PACRG: variants seen among roughly 807,000 people sequenced by gnomAD.
PACRG encodes the protein parkin coregulated gene protein.
In PACRG, 29 loss-of-function variants were observed where a neutral mutation model predicts 29.7. That is an observed-to-expected ratio of 0.98 (90% confidence interval 0.73 to 1.33). PACRG has a LOEUF of 1.33. Among genes scored for constraint, PACRG ranks in the 40% most tolerant of loss-of-function variants. The probability of loss-of-function intolerance (pLI) is 0.00; values close to 1 mark genes in which losing one functional copy is unlikely to be tolerated. For synonymous variants in PACRG, 116 were observed against 118.7 expected, an observed-to-expected ratio of 0.98 and a Z score of 0.15; for missense variants, 279 against 316.2, an observed-to-expected ratio of 0.88 and a Z score of 0.89.
intron 4 of PACRG, among the ~76,000 whole-genome samples, chr6:163,181,845 G>A (rs1779690001): frequency 1.3e-5 from 2 of 152,222 alleles, no homozygotes; most frequent in African/African-American, 2.4e-5. Flanking sequence ...AGGCTTCCAA[G>A]GCCCGGGAGG....
chr6:163,243,366 G>A (rs1782574123), intron 4 of PACRG, among the ~76,000 whole-genome samples: 1 of 152,320 alleles, frequency 6.6e-6, no homozygotes, highest in South Asian at 2.1e-4. Context: ...TCCAGCGTGT[G>A]AATGTTCACG....
rs141925162 is a variant in PACRG, at chr6:163,260,834, T to C, written c.614-53993T>C. Among the ~76,000 whole-genome samples, 656 of 152,340 alleles carry C rather than the reference T, an allele frequency of 4.3e-3. 1 individual carries two copies. The highest frequency in any genetic ancestry group is 7.3e-3 in the Non-Finnish European group (494 of 68,036). ...GGAACGCTGCTGCTTAACCCTTCCATGCTCGTTCCCTGTGGGGACACAGCG... is the reference window on the plus strand; with the variant it reads ...GGAACGCTGCTGCTTAACCCTTCCACGCTCGTTCCCTGTGGGGACACAGCG... On this transcript the variant is annotated intron_variant, in intron 4 of 4. Coordinates refer to ENST00000366888, the MANE Select transcript of PACRG (RefSeq NM_001080379.2).
In PACRG at chr6:163,299,609, C is replaced by T. The variant is rs114043723; in HGVS notation, c.614-15218C>T. ...GTAAAAACTAAACATAGGCCGGGCA[C>T]GGTGCTCGTGCCTGTAATCCCAGCA... On this transcript the variant is annotated intron_variant, in intron 4 of 4. Coordinates refer to ENST00000366888, the MANE Select transcript of PACRG (RefSeq NM_001080379.2). 8.5e-3 allele frequency among the ~76,000 whole-genome samples: 1,290 copies of T among 152,244 alleles called. 13 individuals are homozygous for T. Among genetic ancestry groups the T allele is most frequent in the African/African-American group, 0.026 (1,100 of 41,544 alleles).
At chr6:163,045,200 T>A (rs1039593624) in intron 2 of PACRG, among the ~76,000 whole-genome samples, 1 of 152,056 alleles carries the variant, frequency 6.6e-6, no homozygotes, top group African/African-American at 2.4e-5. Context: ...CTGGCTCAGG[T>A]CTTCCCTCCT....
intron 2 of PACRG, chr6:163,016,319 G>T (rs1418156286): frequency 1.3e-5 from 2 of 151,978 alleles, no homozygotes; most frequent in Non-Finnish European, 2.9e-5. Context: ...AAAGAGGGAT[G>T]GACAAGATAT....
intron 2 of PACRG, among the ~76,000 whole-genome samples, chr6:162,989,789 C>G (rs1361100935): frequency 6.8e-6 from 1 of 148,144 alleles, no homozygotes; most frequent in Admixed American, 6.8e-5. Flanking sequence ...GCACATTGTG[C>G]AGGTTAGTTA....
intron 4 of PACRG, among the ~76,000 whole-genome samples, chr6:163,187,388 G>A (rs531313030): frequency 1.1e-4 from 16 of 152,116 alleles, no homozygotes; most frequent in African/African-American, 3.6e-4. Context: ...CTCGCCGCCC[G>A]CCTTTCCAGT....
At chr6:163,173,601 C>T (rs754582853) in intron 4 of PACRG, among the ~76,000 whole-genome samples, 34 of 152,210 alleles carry the variant, frequency 2.2e-4, no homozygotes, top group Non-Finnish European at 3.7e-4. Flanking sequence ...GAGAGAATCA[C>T]GCTCTCCGCT....
At chr6:163,302,416 G>A (rs1562368188) in intron 4 of PACRG, among the ~76,000 whole-genome samples, 2 of 152,326 alleles carry the variant, frequency 1.3e-5, no homozygotes, top group East Asian at 3.9e-4. Flanking sequence ...ACTCACCAGT[G>A]TAGAAGCTGA....
rs533474713 is a variant in PACRG at position 162,968,920 on chromosome 6, G to A, written c.292-93230G>A. ...AAATTAGCTGGGCGTGGTGGCGGGCGCCTGTAATCCCAGCTACTCAGGAGG... is the reference window on the plus strand; with the variant it reads ...AAATTAGCTGGGCGTGGTGGCGGGCACCTGTAATCCCAGCTACTCAGGAGG... On this transcript the variant is annotated intron_variant, in intron 2 of 4. Coordinates refer to ENST00000366888, the MANE Select transcript of PACRG (RefSeq NM_001080379.2). 7.3e-5 allele frequency among the ~76,000 whole-genome samples: 11 copies of A among 151,650 alleles called. No individual in the cohort carries two copies. In the South Asian group the frequency reaches 1.0e-3, roughly 14 times the overall value.
intron 2 of PACRG, among the ~76,000 whole-genome samples, chr6:162,860,659 C>G (rs958673269): frequency 1.3e-5 from 2 of 152,184 alleles, no homozygotes; most frequent in Admixed American, 1.3e-4. Flanking sequence ...TTAATGGTTT[C>G]TCTCAAATTC....
intron 2 of PACRG, among the ~76,000 whole-genome samples, chr6:162,958,868 TATATATATATATATATAGAGAG>T (rs1243996179): frequency 3.2e-4 from 23 of 72,726 alleles, no homozygotes; most frequent in African/African-American, 1.1e-3. Context: ...TATATATATA[TATATATATATATATATAGAGAG>T]AGAGAGAGAG....
chr6:163,210,594 C>T (rs1781096921), intron 4 of PACRG, among the ~76,000 whole-genome samples: 1 of 152,200 alleles, frequency 6.6e-6, no homozygotes, highest in South Asian at 2.1e-4. Flanking sequence ...ATATCTACTG[C>T]AGAGGCATGT....
chr6:163,260,342 C>T (rs924899935), intron 4 of PACRG, among the ~76,000 whole-genome samples: 4 of 152,112 alleles, frequency 2.6e-5, no homozygotes, highest in African/African-American at 7.2e-5. Flanking sequence ...TTGGTTTGGT[C>T]TCTTCTAGAC....
At chr6:162,999,000 G>A (rs1437575274) in intron 2 of PACRG, among the ~76,000 whole-genome samples, 1 of 152,170 alleles carries the variant, frequency 6.6e-6, no homozygotes, top group East Asian at 1.9e-4. Flanking sequence ...GGCATGGCCA[G>A]CAGTCACAGC....
rs1037784885 is a variant in PACRG, at chr6:163,179,383, G to A, written c.613+89975G>A. On this transcript the variant is annotated intron_variant, in intron 4 of 4. Transcript: ENST00000366888. ...CCTGGCTTCAACCTACTCATTTGGTGTTCTTTAAATTAAAAAAAAAAAAAA... is the reference window on the plus strand; with the variant it reads ...CCTGGCTTCAACCTACTCATTTGGTATTCTTTAAATTAAAAAAAAAAAAAA... 9.7e-5 allele frequency: 22 copies of A among 226,304 alleles called. No homozygotes were observed. In the East Asian group the frequency reaches 2.6e-3, roughly 26 times the overall value. 14.0% of individuals were successfully genotyped at this position (226,304 alleles called of 1,614,324 possible). A position where few individuals can be genotyped will look rare whatever the true frequency, so the allele number is the denominator to read the frequency against.
chr6:163,220,060 C>A (rs894803356), intron 4 of PACRG, among the ~76,000 whole-genome samples: 7 of 152,162 alleles, frequency 4.6e-5, no homozygotes, highest in African/African-American at 1.7e-4. Flanking sequence ...CTCTTTCTCC[C>A]TAGCATGTGA....
At chr6:162,975,928 T>C (rs1166046956) in intron 2 of PACRG, among the ~76,000 whole-genome samples, 1 of 152,062 alleles carries the variant, frequency 6.6e-6, no homozygotes, top group African/African-American at 2.4e-5. Context: ...GTTACAAACC[T>C]GCCCCCTCGG....
chr6:162,788,597 A>T (rs951265220), intron 1 of PACRG, among the ~76,000 whole-genome samples: 3 of 152,250 alleles, frequency 2.0e-5, no homozygotes, highest in African/African-American at 7.2e-5. Context: ...ACTGTCTTCC[A>T]AAGTGATGGC....
Sources: allele counts gnomAD v4.1 joint callset (sites outside exome capture counted in the v4.1 genomes callset), GRCh38; gene constraint gnomAD v4.1.1; transcripts MANE v1.5; gene names NCBI Gene and HGNC (gene_info 2026-07-23, HGNC 2026-07-21).